Variants in NEGR1 observed in about 807,000 individuals in gnomAD.
NEGR1 encodes the protein IgLON family member 4.
In NEGR1, 10 loss-of-function variants were observed where a neutral mutation model predicts 40.9. The ratio of observed to expected loss-of-function variants is 0.24; its 90% CI spans 0.15 to 0.42. NEGR1 has a LOEUF of 0.42. NEGR1 is among the 10% of genes least tolerant of loss of function. The probability of loss-of-function intolerance (pLI) is 1.00; values close to 1 mark genes in which losing one functional copy is unlikely to be tolerated. For synonymous variants in NEGR1, 185 were observed against 166.8 expected, an observed-to-expected ratio of 1.11 and a Z score of -0.84; for missense variants, 352 against 438.9, an observed-to-expected ratio of 0.80 and a Z score of 1.77.
intron 2 of NEGR1, among the ~76,000 whole-genome samples, chr1:71,777,336 G>A (rs971076612): frequency 1.3e-5 from 2 of 152,096 alleles, no homozygotes; most frequent in Non-Finnish European, 2.9e-5. Flanking sequence ...AAAGGACTTA[G>A]AAAAGTGCCT....
At chr1:71,500,526 A>G (rs938035940) in intron 6 of NEGR1, among the ~76,000 whole-genome samples, 4 of 152,058 alleles carry the variant, frequency 2.6e-5, no homozygotes, top group Non-Finnish European at 4.4e-5. Flanking sequence ...AACCTTTTTG[A>G]ACTTCTAAAC....
At chr1:71,899,217 CTACACAGA>C (rs1661079783) in intron 2 of NEGR1, among the ~76,000 whole-genome samples, 1 of 151,616 alleles carries the variant, frequency 6.6e-6, no homozygotes. Flanking sequence ...TCTGAGCTCC[CTACACAGA>C]TATATAAGAA....
intron 4 of NEGR1, among the ~76,000 whole-genome samples, chr1:71,680,191 A>C (rs1442620011): frequency 6.6e-6 from 1 of 151,858 alleles, no homozygotes; most frequent in Non-Finnish European, 1.5e-5. Context: ...AGTTTGTGTA[A>C]ATTTTAACAA....
intron 1 of NEGR1, among the ~76,000 whole-genome samples, chr1:72,117,263 C>T (rs1462340766): frequency 6.6e-6 from 1 of 151,750 alleles, no homozygotes; most frequent in Non-Finnish European, 1.5e-5. Flanking sequence ...AAATCTGTTA[C>T]TTTTATTTAA....
chr1:71,585,632 C>T (rs1204322315), intron 6 of NEGR1, among the ~76,000 whole-genome samples: 1 of 151,420 alleles, frequency 6.6e-6, no homozygotes, highest in African/African-American at 2.4e-5. Flanking sequence ...TGTCAAATTG[C>T]CTCAATCTGG....
At chr1:71,443,071 A>C (rs1646558519) in intron 6 of NEGR1, among the ~76,000 whole-genome samples, 1 of 152,324 alleles carries the variant, frequency 6.6e-6, no homozygotes, top group Middle Eastern at 3.4e-3. Context: ...CCTTCTGGTC[A>C]ATCTAGGAGT....
At chr1:71,473,309 G>C (rs1350647149) in intron 6 of NEGR1, among the ~76,000 whole-genome samples, 1 of 152,060 alleles carries the variant, frequency 6.6e-6, no homozygotes, top group Non-Finnish European at 1.5e-5. Context: ...ATAGGGCATG[G>C]ATTACCTAAA....
chr1:72,026,989 G>T (rs761535549), intron 1 of NEGR1, among the ~76,000 whole-genome samples: 1 of 151,894 alleles, frequency 6.6e-6, no homozygotes, highest in Non-Finnish European at 1.5e-5. Context: ...GCAGTGGCGC[G>T]ATCTGGGCTC....
chr1:72,243,133 A>G (rs1654800927), intron 1 of NEGR1, among the ~76,000 whole-genome samples: 1 of 151,764 alleles, frequency 6.6e-6, no homozygotes, highest in African/African-American at 2.4e-5. Context: ...TAGAGTAAAT[A>G]TTTAATAATT....
chr1:72,071,293 A>G (rs951769647), intron 1 of NEGR1, among the ~76,000 whole-genome samples: 2 of 152,148 alleles, frequency 1.3e-5, no homozygotes, highest in Admixed American at 1.3e-4. Context: ...CAAGAAAAAA[A>G]TGGAAAATAT....
At chr1:71,582,968 T>C (rs1387182574) in intron 6 of NEGR1, among the ~76,000 whole-genome samples, 1 of 152,102 alleles carries the variant, frequency 6.6e-6, no homozygotes, top group African/African-American at 2.4e-5. Context: ...TCAAAAGCAA[T>C]TTTGGGCTTC....
chr1:71,746,754 A>T (rs776972084), intron 3 of NEGR1, among the ~76,000 whole-genome samples: 3 of 149,712 alleles, frequency 2.0e-5, no homozygotes, highest in African/African-American at 7.5e-5. Flanking sequence ...ACACACACAC[A>T]CGCGTACACA....
At chr1:72,190,259 A>C (rs2100427297) in intron 1 of NEGR1, among the ~76,000 whole-genome samples, 1 of 151,778 alleles carries the variant, frequency 6.6e-6, no homozygotes, top group South Asian at 2.1e-4. Flanking sequence ...CCCTTCAATT[A>C]TCAGTTATTT....
At chr1:72,188,797 T>C (rs1428057407) in intron 1 of NEGR1, among the ~76,000 whole-genome samples, 1 of 151,528 alleles carries the variant, frequency 6.6e-6, no homozygotes, top group Non-Finnish European at 1.5e-5. Flanking sequence ...AATTAAACAA[T>C]TATTATGATC....
intron 4 of NEGR1, among the ~76,000 whole-genome samples, chr1:71,653,573 C>G (rs1316800246): frequency 6.6e-6 from 1 of 151,912 alleles, no homozygotes; most frequent in East Asian, 1.9e-4. Flanking sequence ...TATCTGATTA[C>G]TAGTCATTAT....
intron 6 of NEGR1, among the ~76,000 whole-genome samples, chr1:71,413,277 T>A (rs1388698906): frequency 2.6e-5 from 4 of 152,182 alleles, no homozygotes; most frequent in African/African-American, 9.6e-5. Context: ...CACTTATTCC[T>A]TTAGCAAATT....
intron 1 of NEGR1, among the ~76,000 whole-genome samples, chr1:72,118,410 A>T (rs1649662888): frequency 1.3e-5 from 2 of 151,786 alleles, no homozygotes; most frequent in African/African-American, 4.8e-5. Flanking sequence ...TCCAGCAGTG[A>T]CTGAGAAACT....
At chr1:71,533,416 A>G (rs910309356) in intron 6 of NEGR1, among the ~76,000 whole-genome samples, 25 of 151,586 alleles carry the variant, frequency 1.6e-4, no homozygotes, top group Admixed American at 6.6e-5. Flanking sequence ...ATTCACTAAC[A>G]TACCTCCAAA....
At chr1:71,459,870 T>G (rs997571201) in intron 6 of NEGR1, among the ~76,000 whole-genome samples, 1 of 152,212 alleles carries the variant, frequency 6.6e-6, no homozygotes, top group Non-Finnish European at 1.5e-5. Flanking sequence ...AATCATAACT[T>G]CCTCAGAATC....
Sources: gnomAD v4.1 joint callset for allele counts (sites outside exome capture counted in the v4.1 genomes callset) on GRCh38, gnomAD v4.1.1 for gene constraint, MANE v1.5 for transcripts, NCBI Gene and HGNC (gene_info 2026-07-23, HGNC 2026-07-21) for gene names.